Variants in MYO18B observed in about 807,000 individuals in gnomAD.
MYO18B encodes the protein unconventional myosin-XVIIIb.
In MYO18B, 204 loss-of-function variants were observed where a neutral mutation model predicts 273.0. That is an observed-to-expected ratio of 0.75 (90% CI 0.67 to 0.84). The LOEUF is 0.84. Among genes scored for constraint, MYO18B ranks in the 40% least tolerant of loss-of-function variants. MYO18B has a pLI of 0.00. For synonymous variants in MYO18B, 1,330 were observed against 1,305.7 expected, an observed-to-expected ratio of 1.02 and a Z score of -0.40; for missense variants, 3,212 against 3,287.6, an observed-to-expected ratio of 0.98 and a Z score of 0.56.
At chr22:25,792,624 A>AGCTGGGACTATAGGTGCGC (rs2087729467) in intron 11 of MYO18B, among the ~76,000 whole-genome samples, 2 of 148,984 alleles carry the variant, frequency 1.3e-5, no homozygotes, top group Non-Finnish European at 3.0e-5. Flanking sequence ...CCTCCCTAGG[A>AGCTGGGACTATAGGTGCGC]GCTGGGACTA....
intron 17 of MYO18B, among the ~76,000 whole-genome samples, chr22:25,842,738 G>A (rs1192875745): frequency 6.6e-6 from 1 of 150,886 alleles, no homozygotes; most frequent in Admixed American, 6.6e-5. Flanking sequence ...TCCCAAACCT[G>A]TGACTGCAAC....
intron 5 of MYO18B, among the ~76,000 whole-genome samples, chr22:25,770,408 A>G (rs1025485942): frequency 6.6e-6 from 1 of 152,206 alleles, no homozygotes; most frequent in Non-Finnish European, 1.5e-5. Context: ...AGGAAGCCAG[A>G]GTCTGGTACA....
At chr22:26,048,686 T>G in the MYO18B span, among the ~76,000 whole-genome samples, 1 of 152,062 alleles carries the variant, frequency 6.6e-6, no homozygotes, top group Non-Finnish European at 1.5e-5. Context: ...GCTTGTTATC[T>G]CCTCTCATTA....
intron 36 of MYO18B, 78 bp from the exon 37 acceptor site, chr22:25,950,289 G>A (rs2092774901): frequency 4.0e-6 from 5 of 1,256,718 alleles, no homozygotes; most frequent in Non-Finnish European, 5.6e-6. Flanking sequence ...GGGAAAGTAG[G>A]GATTTTCAGG....
chr22:25,928,522 A>T (rs191823385), intron 34 of MYO18B, among the ~76,000 whole-genome samples: 9 of 151,972 alleles, frequency 5.9e-5, no homozygotes, highest in South Asian at 2.1e-4. Flanking sequence ...TTCTCTCCAG[A>T]TGGGCAGGCA....
intron 12 of MYO18B, 28 bp downstream of exon 12, chr22:25,798,125 G>C: frequency 6.3e-7 from 1 of 1,582,720 alleles, no homozygotes; most frequent in South Asian, 1.1e-5. Flanking sequence ...GGCTCACCTG[G>C]GAGGGCAGCT....
intron 1 of MYO18B, among the ~76,000 whole-genome samples, chr22:25,754,112 G>C (rs1316968122): frequency 6.6e-6 from 1 of 152,210 alleles, no homozygotes; most frequent in African/African-American, 2.4e-5. Context: ...AACGCGTTGA[G>C]AATTCTGGCC....
At chr22:25,879,064 G>A (rs1245875488) in intron 25 of MYO18B, among the ~76,000 whole-genome samples, 1 of 152,250 alleles carries the variant, frequency 6.6e-6, no homozygotes, top group East Asian at 1.9e-4. Flanking sequence ...GAAAATGAAT[G>A]AAGAGACAGG....
intron 12 of MYO18B, among the ~76,000 whole-genome samples, chr22:25,811,315 G>A (rs551328655): frequency 7.6e-4 from 116 of 152,036 alleles, no homozygotes; most frequent in African/African-American, 2.2e-3. Flanking sequence ...GAGCCACCGC[G>A]CCAGGCTTTT....
chr22:26,030,631 T>C lies in MYO18B; in HGVS notation c.*201T>C, dbSNP rs184525349. ...TGGTTGGCCTGAACAAAATAAAGTG[T>C]TGACTCCTGGGCATCTGTGCCTTCT... On this transcript the variant is annotated 3_prime_UTR_variant, in exon 44 of 44. Transcript: ENST00000335473. The C allele has an allele frequency of 3.3e-6, 1 of 301,560 alleles. No homozygotes were observed. The highest frequency in any genetic ancestry group is 5.1e-5 in the Admixed American group (1 of 19,582). The allele number at this position is 301,560 out of a possible 1,614,324, so 18.7% of individuals were successfully genotyped here. A position where few individuals can be genotyped will look rare whatever the true frequency, so the allele number is the denominator to read the frequency against.
intron 4 of MYO18B, 70 bp from the exon 5 acceptor site, chr22:25,770,039 AC>A (rs1163537112): frequency 2.0e-6 from 3 of 1,477,630 alleles, no homozygotes; most frequent in Non-Finnish European, 2.8e-6. Flanking sequence ...ACTGTGAGAA[AC>A]CCCCGTGTAA....
chr22:25,982,623 C>T (rs1182883843), intron 39 of MYO18B, among the ~76,000 whole-genome samples: 1 of 152,128 alleles, frequency 6.6e-6, no homozygotes, highest in Non-Finnish European at 1.5e-5. Flanking sequence ...TTTCTTGGCT[C>T]CTGGATGCAC....
In MYO18B at chr22:25,988,442, G is replaced by A. The variant is rs143694427; in HGVS notation, c.6157-3921G>A. On this transcript the variant is annotated intron_variant, in intron 39 of 43. Coordinates refer to ENST00000335473, the MANE Select transcript of MYO18B (RefSeq NM_032608.7). ...GGGCGGCAAGGGGGCAATGGTGGAG[G>A]GTGGAAGGTAGTGGCAGATCCACGA... Among the ~76,000 whole-genome samples, 612 of 152,194 alleles carry A rather than the reference G, an allele frequency of 4.0e-3. 6 individuals are homozygous for A. Among genetic ancestry groups the A allele is most frequent in the South Asian group, 9.1e-3 (44 of 4,814 alleles).
intron 31 of MYO18B, among the ~76,000 whole-genome samples, chr22:25,907,673 A>G (rs1202444536): frequency 6.6e-6 from 1 of 152,120 alleles, no homozygotes; most frequent in Non-Finnish European, 1.5e-5. Flanking sequence ...TCATCTACCT[A>G]TCCACTCACC....
At chr22:25,931,184 ACCT>A (rs2092494663) in intron 34 of MYO18B, among the ~76,000 whole-genome samples, 1 of 151,944 alleles carries the variant, frequency 6.6e-6, no homozygotes, top group South Asian at 2.1e-4. Context: ...TGTTAACATA[ACCT>A]CCTGTCGGAG....
At chr22:25,966,994 C>T (rs1233115967) in intron 39 of MYO18B, among the ~76,000 whole-genome samples, 1 of 152,124 alleles carries the variant, frequency 6.6e-6, no homozygotes, top group Non-Finnish European at 1.5e-5. Context: ...TATTACTCCC[C>T]GACTTGTGGC....
chr22:25,776,994 C>G (rs7288662), intron 7 of MYO18B, among the ~76,000 whole-genome samples: 1 of 151,990 alleles, frequency 6.6e-6, no homozygotes, highest in Non-Finnish European at 1.5e-5. Context: ...TATCTCTTTG[C>G]GATTGGCTGG....
intron 42 of MYO18B, among the ~76,000 whole-genome samples, chr22:26,024,015 G>A (rs1333025968): frequency 6.6e-6 from 1 of 152,170 alleles, no homozygotes; most frequent in East Asian, 1.9e-4. Flanking sequence ...GGGCAAACGT[G>A]TGGCTTTTGT....
intron 10 of MYO18B, among the ~76,000 whole-genome samples, chr22:25,782,208 A>G (rs974990366): frequency 8.5e-5 from 13 of 152,138 alleles, no homozygotes; most frequent in Admixed American, 2.0e-4. Context: ...GGATTAAGAG[A>G]GATAATTTAC....
Sources: allele counts gnomAD v4.1 joint callset (sites outside exome capture counted in the v4.1 genomes callset), GRCh38; gene constraint gnomAD v4.1.1; transcripts MANE v1.5; gene names NCBI Gene and HGNC (gene_info 2026-07-23, HGNC 2026-07-21).